ZDHHC2: variants seen among roughly 807,000 people sequenced by gnomAD.
The protein encoded by ZDHHC2 is zDHHC palmitoyltransferase 2, also known as palmitoyltransferase ZDHHC2.
In ZDHHC2, 51 loss-of-function variants were observed where a neutral mutation model predicts 55.6. The observed-to-expected ratio is 0.92, with a 90% CI of 0.73 to 1.16. The LOEUF (loss-of-function observed/expected upper bound fraction) is 1.16. Ranked by LOEUF, ZDHHC2 falls within the 50% of genes most tolerant of loss-of-function variation. The pLI is 0.00. For synonymous variants in ZDHHC2, 199 were observed against 152.9 expected, an observed-to-expected ratio of 1.30 and a Z score of -2.22; for missense variants, 491 against 442.4, an observed-to-expected ratio of 1.11 and a Z score of -0.99.
intron 3 of ZDHHC2, among the ~76,000 whole-genome samples, chr8:17,190,267 AG>A (rs1805950739): frequency 6.6e-6 from 1 of 152,038 alleles, no homozygotes; most frequent in African/African-American, 2.4e-5. Context: ...AAAAAAAAAA[AG>A]AAAAGAAAAG....
At chr8:17,195,425 T>C (rs1806256246) in intron 3 of ZDHHC2, 79 bp from the exon 4 acceptor site, 1 of 1,446,564 alleles carries the variant, frequency 6.9e-7, no homozygotes, top group Non-Finnish European at 9.4e-7. Context: ...ATAAATACCC[T>C]TTTCCGGGTA....
At chr8:17,166,515 G>C (rs1364215936) in intron 1 of ZDHHC2, among the ~76,000 whole-genome samples, 2 of 152,174 alleles carry the variant, frequency 1.3e-5, no homozygotes, top group African/African-American at 2.4e-5. Flanking sequence ...GAGAGGTGTA[G>C]AATGTGGGAA....
At chr8:17,210,189 T>C (rs1305069728) in intron 9 of ZDHHC2, 131 bp downstream of exon 9, 19 of 1,177,708 alleles carry the variant, frequency 1.6e-5, no homozygotes, top group Middle Eastern at 4.1e-4. Flanking sequence ...AAAAATATTA[T>C]TCTATGATTC....
chr8:17,156,878 C>A (rs764906323), intron 1 of ZDHHC2, 25 bp downstream of exon 1: 1 of 1,480,218 alleles, frequency 6.8e-7, no homozygotes, highest in African/African-American at 1.5e-5. Context: ...CGCCGCGGCG[C>A]CCCCAGCGCA....
intron 6 of ZDHHC2, among the ~76,000 whole-genome samples, chr8:17,204,369 T>C (rs542189789): frequency 2.6e-5 from 4 of 152,338 alleles, no homozygotes; most frequent in Admixed American, 1.3e-4. Flanking sequence ...AATATGTGTA[T>C]GTTCTGTGCA....
At chr8:17,171,686 A>G (rs1804861794) in intron 1 of ZDHHC2, among the ~76,000 whole-genome samples, 3 of 151,982 alleles carry the variant, frequency 2.0e-5, no homozygotes, top group Admixed American at 6.6e-5. Context: ...TCAAATTGCT[A>G]CAGAAATGAT....
rs1056986778 is a variant in ZDHHC2 at position 17,220,413 on chromosome 8, A to G, written c.*192A>G. ...AACATGTTTTGGATCCAATACACAC[A>G]TTGTTACAACTAACACAAATTCCTA... On this transcript the variant is annotated 3_prime_UTR_variant, in exon 13 of 13. Transcript: ENST00000262096. The G allele has an allele frequency of 6.6e-6, 1 of 152,170 alleles. No individual in the cohort carries two copies. Among genetic ancestry groups the G allele is most frequent in the Non-Finnish European group, 1.5e-5 (1 of 68,030 alleles). The allele number at this position is 152,170 out of a possible 1,614,324, so 9.4% of individuals were successfully genotyped here.
rs1244737345 is a variant in ZDHHC2, at chr8:17,209,997, A to G, written c.796A>G (p.Lys266Glu). Residue 266 changes from lysine to glutamate, a missense_variant, in exon 9 of 13, where the codon AAA becomes GAA. Lys to Glu is a moderately conservative substitution (Grantham distance 56). Coordinates refer to ENST00000262096, the MANE Select transcript of ZDHHC2 (RefSeq NM_016353.5). ...GAATGGATTCAGCTTGGGTTTCAGT[A>G]AAAACATGCGACAAGTTTTTGGTGA... ...DKNGFSLGFS[K>E]NMRQVFGDEK... The G allele has an allele frequency of 6.2e-7, 1 of 1,611,170 alleles. No homozygotes were observed.
chr8:17,213,237 G>C (rs1464356929), intron 10 of ZDHHC2, among the ~76,000 whole-genome samples: 1 of 151,574 alleles, frequency 6.6e-6, no homozygotes, highest in East Asian at 1.9e-4. Context: ...GCCTCTTCCT[G>C]TTACACTGAT....
chr8:17,199,640 C>CTTCTTCTT lies in ZDHHC2; in HGVS notation c.476+1227_476+1228insTTCTTCTT, dbSNP rs1563161823. Among the ~76,000 whole-genome samples, 73 of 23,456 alleles carry CTTCTTCTT rather than the reference C, an allele frequency of 3.1e-3. 3 individuals are homozygous for CTTCTTCTT. The highest frequency in any genetic ancestry group is 0.014 in the East Asian group (5 of 360). The allele number at this position is 23,456 out of a possible 152,430, so 15.4% of individuals were successfully genotyped here. A position where few individuals can be genotyped will look rare whatever the true frequency, so the allele number is the denominator to read the frequency against. On this transcript the variant is annotated intron_variant, in intron 6 of 12. Transcript: ENST00000262096. ...CTTCTTCTTCCTTTCTTCTTCTTCT[C>CTTCTTCTT]CTCCTCCTCCTCCCTCCTCCCTCCT...
intron 1 of ZDHHC2, among the ~76,000 whole-genome samples, chr8:17,160,140 TGAA>T (rs1804262901): frequency 6.6e-6 from 1 of 152,238 alleles, no homozygotes; most frequent in South Asian, 2.1e-4. Flanking sequence ...CTTCGCTTGT[TGAA>T]GAAGGTTCAC....
chr8:17,211,639 G>C (rs1048825369), intron 10 of ZDHHC2, among the ~76,000 whole-genome samples: 1 of 152,042 alleles, frequency 6.6e-6, no homozygotes, highest in Non-Finnish European at 1.5e-5. Flanking sequence ...AATGTAAAAG[G>C]AATTTATATT....
At chr8:17,206,350 G>A (rs575141645) in intron 7 of ZDHHC2, among the ~76,000 whole-genome samples, 7 of 152,234 alleles carry the variant, frequency 4.6e-5, no homozygotes, top group Admixed American at 4.6e-4. Flanking sequence ...GTGCGTTTAA[G>A]TAGAAACACA....
At chr8:17,218,276 T>G (rs554532934) in intron 12 of ZDHHC2, among the ~76,000 whole-genome samples, 1 of 152,198 alleles carries the variant, frequency 6.6e-6, no homozygotes, top group South Asian at 2.1e-4. Flanking sequence ...AAAATAATTT[T>G]AGAATGTAAC....
chr8:17,190,019 G>A (rs1805936247), intron 3 of ZDHHC2, among the ~76,000 whole-genome samples: 1 of 152,172 alleles, frequency 6.6e-6, no homozygotes, highest in Non-Finnish European at 1.5e-5. Flanking sequence ...TGGAGAGCAA[G>A]CACAATGGGT....
chr8:17,189,127 GTTTTTTTTT>G (rs33942303), intron 3 of ZDHHC2, among the ~76,000 whole-genome samples: 3 of 83,758 alleles, frequency 3.6e-5, no homozygotes, highest in African/African-American at 1.4e-4. Context: ...GTTTTGTTAT[GTTTTTTTTT>G]TTTTTTTTTT....
chr8:17,199,643 CCT>C (rs1806628599), intron 6 of ZDHHC2, among the ~76,000 whole-genome samples: 1 of 54,178 alleles, frequency 1.8e-5, no homozygotes, highest in Non-Finnish European at 8.4e-5. Flanking sequence ...TTCTTCTCCT[CCT>C]CCTCCTCCCT....
intron 1 of ZDHHC2, among the ~76,000 whole-genome samples, chr8:17,167,401 G>A (rs1029381902): frequency 6.8e-6 from 1 of 147,384 alleles, no homozygotes; most frequent in African/African-American, 2.5e-5. Flanking sequence ...TGCCTCCCGA[G>A]TTCAAGTAAT....
intron 6 of ZDHHC2, among the ~76,000 whole-genome samples, chr8:17,202,807 A>G (rs1453626171): frequency 2.6e-5 from 4 of 151,724 alleles, no homozygotes; most frequent in African/African-American, 9.7e-5. Context: ...TACATATTAA[A>G]CTCTAAAATA....
Sources: allele counts gnomAD v4.1 joint callset (sites outside exome capture counted in the v4.1 genomes callset), GRCh38; gene constraint gnomAD v4.1.1; transcripts MANE v1.5; gene names NCBI Gene and HGNC (gene_info 2026-07-23, HGNC 2026-07-21).